The following IL12RB2 variants were observed in gnomAD, a reference collection of about 807,000 sequenced individuals.
IL12RB2 encodes interleukin 12 receptor subunit beta 2, also known as interleukin-12 receptor subunit beta-2.
A neutral mutation model predicts 89.4 loss-of-function variants in IL12RB2; 82 were observed. The ratio of observed to expected loss-of-function variants is 0.92; its 90% CI spans 0.77 to 1.10. The LOEUF (loss-of-function observed/expected upper bound fraction) is 1.10. Among genes scored for constraint, IL12RB2 ranks in the 50% least tolerant of loss-of-function variants. IL12RB2 has a pLI of 0.00. For missense variants in IL12RB2, 963 were observed against 1,031.9 expected (o/e 0.93, Z 0.92); for synonymous variants, 368 against 370.1 (o/e 0.99, Z 0.07).
chr1:67,335,572 T>C (rs949379802), intron 8 of IL12RB2, among the ~76,000 whole-genome samples: 1 of 152,234 alleles, frequency 6.6e-6, no homozygotes, highest in Non-Finnish European at 1.5e-5. Context: ...CCATTTCTCA[T>C]ATTTGTATGC....
intron 9 of IL12RB2, 107 bp from the exon 10 acceptor site, chr1:67,350,763 G>GTCAC (rs1415767800): frequency 6.5e-7 from 1 of 1,550,072 alleles, no homozygotes; most frequent in African/African-American, 1.4e-5. Context: ...GAACAAAAAG[G>GTCAC]TCACTCAGCT....
At chr1:67,331,614 C>A (rs140412554) in intron 8 of IL12RB2, among the ~76,000 whole-genome samples, 2 of 151,992 alleles carry the variant, frequency 1.3e-5, no homozygotes, top group African/African-American at 2.4e-5. Flanking sequence ...CTGAGGTGGG[C>A]AGATCACGAG....
intron 9 of IL12RB2, among the ~76,000 whole-genome samples, chr1:67,346,990 T>G (rs1298232357): frequency 6.6e-6 from 1 of 152,170 alleles, no homozygotes. Flanking sequence ...TGCCAAGCAC[T>G]CTTTAAAACA....
chr1:67,369,436 G>T (rs773397072), intron 11 of IL12RB2, among the ~76,000 whole-genome samples: 4 of 152,198 alleles, frequency 2.6e-5, no homozygotes, highest in Non-Finnish European at 5.9e-5. Flanking sequence ...TGAAAAAGAA[G>T]TTTCCTGCCT....
rs143014031 is a variant in IL12RB2, at chr1:67,395,782, G to A, written c.2282G>A (p.Arg761Lys). 7 of 1,613,908 alleles carry A rather than the reference G, an allele frequency of 4.3e-6. No homozygotes were observed. In the African/African-American group the frequency reaches 6.7e-5, roughly 15 times the overall value. Residue 761 changes from arginine (R) to lysine (K), a missense_variant, in exon 17 of 17, where the codon AGA (arginine) becomes AAA (lysine). Coordinates refer to ENST00000674203, the MANE Select transcript of IL12RB2 (RefSeq NM_001374259.2). ...CCAAGAGCTCTCCAAGCTGAGAGCA[G>A]ACAACTGGTGGATCTGTACAAGGTG... The part of the protein sequence containing the change: ...PPPRALQAES[R>K]QLVDLYKVLE...
chr1:67,372,423 C>A lies in IL12RB2; in HGVS notation c.1460-13C>A, dbSNP rs530859782. 1.4e-6 allele frequency: 2 copies of A among 1,440,210 alleles called. No individual in the cohort carries two copies. Among genetic ancestry groups the A allele is most frequent in the East Asian group, 2.3e-5 (1 of 44,084 alleles). 89.2% of individuals were successfully genotyped at this position (1,440,210 alleles called of 1,614,324 possible). A position where few individuals can be genotyped will look rare whatever the true frequency, so the allele number is the denominator to read the frequency against. On this transcript the variant is annotated splice_polypyrimidine_tract_variant and intron_variant, in intron 11 of 16. Coordinates refer to ENST00000674203, the MANE Select transcript of IL12RB2 (RefSeq NM_001374259.2). ...ATGGCACGGCTGTTATGGGAATTCC[C>A]TTTTCCTTGCAGAGAACATAAAATC...
At chr1:67,359,422 G>A (rs1356039665) in intron 10 of IL12RB2, among the ~76,000 whole-genome samples, 1 of 152,142 alleles carries the variant, frequency 6.6e-6, no homozygotes, top group Non-Finnish European at 1.5e-5. Flanking sequence ...TTCAACACAT[G>A]TATTAAAAAT....
chr1:67,355,338 C>A (rs979328460), intron 10 of IL12RB2, among the ~76,000 whole-genome samples: 3 of 149,508 alleles, frequency 2.0e-5, no homozygotes, highest in African/African-American at 7.4e-5. Context: ...CGCTTGAACC[C>A]GGGAGGTGAA....
intron 8 of IL12RB2, among the ~76,000 whole-genome samples, chr1:67,336,195 C>A (rs919313712): frequency 1.3e-5 from 2 of 152,180 alleles, no homozygotes; most frequent in Admixed American, 6.5e-5. Context: ...TCGGGGAAAG[C>A]AAGACCTGGG....
At chr1:67,376,594 G>C (rs1161814553) in intron 13 of IL12RB2, among the ~76,000 whole-genome samples, 2 of 152,120 alleles carry the variant, frequency 1.3e-5, no homozygotes. Context: ...TTGACTTCTT[G>C]ACTTCTTTCT....
At chr1:67,327,456 A>T (rs1447534709) in intron 5 of IL12RB2, among the ~76,000 whole-genome samples, 1 of 151,778 alleles carries the variant, frequency 6.6e-6, no homozygotes, top group Non-Finnish European at 1.5e-5. Flanking sequence ...GTTCTTTCCC[A>T]CTCTAGTAGG....
rs528734242 is a variant in IL12RB2, at chr1:67,324,742, A to G, written c.365-1993A>G. 3.9e-5 allele frequency among the ~76,000 whole-genome samples: 6 copies of G among 152,372 alleles called. No homozygotes were observed. The South Asian group carries it at 1.2e-3, about 32-fold the overall frequency. ...TCTGAGAAAAGAGTAAACTATTTTA[A>G]TAGTCCAGGGAGAAGTGATCAAGTC... On this transcript the variant is annotated intron_variant, in intron 4 of 16. Transcript: ENST00000674203.
chr1:67,338,572 T>A, intron 8 of IL12RB2, 52 bp from the exon 9 acceptor site: 1 of 875,322 alleles, frequency 1.1e-6, no homozygotes. Flanking sequence ...ACCAGTTAAC[T>A]TTCAAAGTAG....
In IL12RB2 at chr1:67,350,906, C is replaced by G. The variant is rs1192293513; in HGVS notation, c.1075C>G (p.His359Asp). Reference sequence around the variant, plus strand: ...CTCAGAGGCAAGAGGAAAAATTCTCCACTATCAGGTGACCTTGCAGGAGCT... The same window carrying G: ...CTCAGAGGCAAGAGGAAAAATTCTCGACTATCAGGTGACCTTGCAGGAGCT... ...SVSEARGKIL[H>D]YQVTLQELTG... The change falls in exon 10 of 17, where the codon CAC (histidine) becomes GAC (aspartate). Residue 359 changes from histidine to aspartate, a missense_variant. Physicochemically the swap from His to Asp is moderately conservative, Grantham distance 81. Transcript: ENST00000674203. The G allele has an allele frequency of 1.2e-6, 2 of 1,613,910 alleles. No homozygotes were observed. Among genetic ancestry groups the G allele is most frequent in the Non-Finnish European group, 1.7e-6 (2 of 1,179,984 alleles).
chr1:67,322,216 C>T (rs1013768426), intron 4 of IL12RB2, among the ~76,000 whole-genome samples: 8 of 151,980 alleles, frequency 5.3e-5, no homozygotes, highest in African/African-American at 1.9e-4. Flanking sequence ...GCTACAGCCT[C>T]CTAAAAAGAA....
At chr1:67,319,080 C>A (rs1656161292) in intron 2 of IL12RB2, among the ~76,000 whole-genome samples, 1 of 152,180 alleles carries the variant, frequency 6.6e-6, no homozygotes, top group South Asian at 2.1e-4. Context: ...TTGTCTCTAG[C>A]ACTTAGTGTG....
intron 7 of IL12RB2, among the ~76,000 whole-genome samples, chr1:67,330,440 C>T (rs1200013181): frequency 2.0e-5 from 3 of 151,856 alleles, no homozygotes; most frequent in Non-Finnish European, 4.4e-5. Context: ...GTTCTTAGTA[C>T]CCAGAGATTT....
intron 3 of IL12RB2, 42 bp downstream of exon 3, chr1:67,320,486 T>C: frequency 3.1e-6 from 5 of 1,612,264 alleles, no homozygotes; most frequent in Non-Finnish European, 4.2e-6. Context: ...GAATTTGTGG[T>C]TTAAATTCTC....
rs769927347 is a variant in IL12RB2 at position 67,395,804 on chromosome 1, G to C, written c.2304G>C (p.Lys768Asn). 1.9e-5 allele frequency: 30 copies of C among 1,613,310 alleles called. No individual in the cohort carries two copies. Among genetic ancestry groups the C allele is most frequent in the Middle Eastern group, 1.6e-4 (1 of 6,080 alleles). ...AESRQLVDLYKVLESRGSDPK... is the reference protein window; with the variant it reads ...AESRQLVDLYNVLESRGSDPK... ...GCAGACAACTGGTGGATCTGTACAA[G>C]GTGCTGGAGAGCAGGGGCTCCGACC... The change falls in exon 17 of 17, where the codon AAG becomes AAC. Residue 768 changes from lysine (K) to asparagine (N), a missense_variant. Physicochemically the swap from Lys to Asn is moderately conservative, Grantham distance 94. Coordinates refer to ENST00000674203, the MANE Select transcript of IL12RB2 (RefSeq NM_001374259.2).
Sources: gnomAD v4.1 joint callset for allele counts (sites outside exome capture counted in the v4.1 genomes callset) on GRCh38, gnomAD v4.1.1 for gene constraint, MANE v1.5 for transcripts, NCBI Gene and HGNC (gene_info 2026-07-23, HGNC 2026-07-21) for gene names.